Variants in LDLRAD4 observed in about 807,000 individuals in gnomAD.
LDLRAD4 encodes the protein low-density lipoprotein receptor class A domain-containing protein 4.
Under a neutral mutation model 17.0 loss-of-function variants are expected in LDLRAD4, and 5 were observed. The ratio of observed to expected loss-of-function variants is 0.29; its 90% CI spans 0.15 to 0.62. The LOEUF is 0.62. Ranked by LOEUF, LDLRAD4 falls within the 20% of genes least tolerant of loss-of-function variation. LDLRAD4 has a pLI of 0.84. For synonymous variants in LDLRAD4, 168 were observed against 171.8 expected, an observed-to-expected ratio of 0.98 and a Z score of 0.17; for missense variants, 340 against 424.7, an observed-to-expected ratio of 0.80 and a Z score of 1.75.
intron 1 of LDLRAD4, among the ~76,000 whole-genome samples, chr18:13,342,064 T>G (rs2082400589): frequency 6.6e-6 from 1 of 152,162 alleles, no homozygotes; most frequent in Admixed American, 6.5e-5. Flanking sequence ...GTTGAACTCC[T>G]TGCATTCCAA....
chr18:13,553,007 G>A (rs2094450301), intron 3 of LDLRAD4, among the ~76,000 whole-genome samples: 1 of 152,078 alleles, frequency 6.6e-6, no homozygotes, highest in African/African-American at 2.4e-5. Context: ...CATCCTCTGC[G>A]TATTTTTAAG....
intron 1 of LDLRAD4, among the ~76,000 whole-genome samples, chr18:13,230,681 G>T (rs1292177201): frequency 2.0e-5 from 3 of 151,976 alleles, no homozygotes; most frequent in Non-Finnish European, 4.4e-5. Flanking sequence ...GAGGTGGGAG[G>T]GTGTCTGCGA....
rs552060865 is a variant in LDLRAD4, at chr18:13,287,240, A to G, written c.-383+9052A>G. 1.4e-3 allele frequency among the ~76,000 whole-genome samples: 206 copies of G among 152,240 alleles called. 1 individual carries two copies. The highest frequency in any genetic ancestry group is 2.6e-3 in the Non-Finnish European group (180 of 68,036). On this transcript the variant is annotated intron_variant, in intron 1 of 5. Transcript: ENST00000359446. ...ATATCTTTCTATGAAATACTGTCCC[A>G]TAAAGTACAGAAAGATACACTCAGA...
chr18:13,223,359 G>A (rs1188653631), intron 1 of LDLRAD4, among the ~76,000 whole-genome samples: 1 of 152,188 alleles, frequency 6.6e-6, no homozygotes, highest in South Asian at 2.1e-4. Context: ...GCCAGGTGTC[G>A]CGAGGACCCT....
At chr18:13,551,433 T>C (rs1207349829) in intron 3 of LDLRAD4, among the ~76,000 whole-genome samples, 1 of 151,944 alleles carries the variant, frequency 6.6e-6, no homozygotes, top group Non-Finnish European at 1.5e-5. Context: ...GAGCAAAGAG[T>C]GAATCCTGCC....
chr18:13,220,941 A>G (rs1409001733), intron 1 of LDLRAD4, among the ~76,000 whole-genome samples: 1 of 152,178 alleles, frequency 6.6e-6, no homozygotes, highest in Non-Finnish European at 1.5e-5. Flanking sequence ...GTGGGAGGTG[A>G]CTGCTCTACG....
chr18:13,291,409 C>T (rs1275654218), intron 1 of LDLRAD4, among the ~76,000 whole-genome samples: 3 of 152,156 alleles, frequency 2.0e-5, no homozygotes, highest in Admixed American at 1.3e-4. Context: ...AAAATGTTGG[C>T]GCTGGCAAAA....
intron 3 of LDLRAD4, among the ~76,000 whole-genome samples, chr18:13,562,291 G>T (rs1218642307): frequency 6.6e-6 from 1 of 152,178 alleles, no homozygotes; most frequent in Non-Finnish European, 1.5e-5. Context: ...CTTGATCCCG[G>T]TGACCCAGAC....
In LDLRAD4 at chr18:13,617,184, C is replaced by T. The variant is rs77265442; in HGVS notation, c.182-3933C>T. Among the ~76,000 whole-genome samples, 298 of 152,146 alleles carry T rather than the reference C, an allele frequency of 2.0e-3. 4 individuals are homozygous for T. In the East Asian group the frequency reaches 0.021, roughly 11 times the overall value. The stretch of plus-strand genomic sequence containing the variant: ...AACTCCTGGTCTTAAACAATTCCCC[C>T]GTCTTGGTCTCCCAAAGTGCTGAGA... On this transcript the variant is annotated intron_variant, in intron 3 of 5. Coordinates refer to ENST00000359446, the Ensembl canonical transcript of LDLRAD4.
chr18:13,620,853 G>T, intron 3 of LDLRAD4: 1 of 525,470 alleles, frequency 1.9e-6, no homozygotes, highest in Admixed American at 3.1e-5. Flanking sequence ...AATAGCTTCA[G>T]TTTGTGGAGA....
At chr18:13,405,399 C>T (rs2087637589) in intron 2 of LDLRAD4, among the ~76,000 whole-genome samples, 1 of 152,058 alleles carries the variant, frequency 6.6e-6, no homozygotes. Flanking sequence ...AGAATGTAAA[C>T]TACAAGTTCG....
intron 2 of LDLRAD4, among the ~76,000 whole-genome samples, chr18:13,397,661 C>A (rs1304754382): frequency 6.6e-6 from 1 of 152,166 alleles, no homozygotes; most frequent in Non-Finnish European, 1.5e-5. Context: ...AGCCCTAGAG[C>A]AGCAGGACCC....
chr18:13,344,934 A>G (rs1252086315), intron 1 of LDLRAD4, among the ~76,000 whole-genome samples: 1 of 152,192 alleles, frequency 6.6e-6, no homozygotes, highest in African/African-American at 2.4e-5. Context: ...TTGATTTTGT[A>G]TCCTGAGACT....
chr18:13,489,131 A>G (rs34724232), intron 3 of LDLRAD4: 23,899 of 150,350 alleles, frequency 0.16, 2,052 homozygotes, highest in East Asian at 0.25. Flanking sequence ...ATTTATTGGA[A>G]TTGTGGTGCT....
In LDLRAD4 at chr18:13,579,971, C is replaced by G. The variant is rs890816090; in HGVS notation, c.182-41146C>G. 2.0e-5 allele frequency among the ~76,000 whole-genome samples: 3 copies of G among 152,166 alleles called. No homozygotes were observed. In the South Asian group the frequency reaches 6.2e-4, roughly 32 times the overall value. ...GGCCCCTGAGTCTCCCTTCTAGGGC[C>G]CCTAGTCACACTGCCTTCCTTCCTT... On this transcript the variant is annotated intron_variant, in intron 3 of 5. Transcript: ENST00000359446.
At chr18:13,224,474 C>CTTTTTTTTTTTTTTTT (rs10676168) in intron 1 of LDLRAD4, among the ~76,000 whole-genome samples, 3 of 87,880 alleles carry the variant, frequency 3.4e-5, no homozygotes, top group African/African-American at 4.6e-5. Context: ...TTCTTTCTTT[C>CTTTTTTTTTTTTTTTT]TTTTTTTTTT....
intron 1 of LDLRAD4, among the ~76,000 whole-genome samples, chr18:13,326,380 G>C (rs1428346638): frequency 1.3e-5 from 2 of 152,032 alleles, no homozygotes; most frequent in Non-Finnish European, 2.9e-5. Context: ...TGTTTGAAGA[G>C]AAAAAAGGGC....
chr18:13,248,163 A>T (rs946338957), intron 1 of LDLRAD4, among the ~76,000 whole-genome samples: 1 of 151,788 alleles, frequency 6.6e-6, no homozygotes, highest in Non-Finnish European at 1.5e-5. Context: ...CTGTTTCTCC[A>T]TGTTGGTCAG....
intron 1 of LDLRAD4, among the ~76,000 whole-genome samples, chr18:13,263,775 A>T (rs901157058): frequency 6.6e-6 from 1 of 152,188 alleles, no homozygotes; most frequent in African/African-American, 2.4e-5. Flanking sequence ...AGTGTATGTT[A>T]TGGTTAAAGT....
Sources: allele counts gnomAD v4.1 joint callset (sites outside exome capture counted in the v4.1 genomes callset), GRCh38; gene constraint gnomAD v4.1.1; transcripts MANE v1.5; gene names NCBI Gene and HGNC (gene_info 2026-07-23, HGNC 2026-07-21).